Variants in USP9Y observed in about 807,000 individuals in gnomAD.
USP9Y encodes the protein ubiquitin carboxyl-terminal hydrolase 9Y.
A neutral mutation model predicts 53.1 loss-of-function variants in USP9Y; 41 were observed. The observed-to-expected ratio is 0.77, with a 90% CI of 0.60 to 1.00. The LOEUF is 1.00. Ranked by LOEUF, USP9Y falls within the 50% of genes least tolerant of loss-of-function variation. The probability of loss-of-function intolerance (pLI) is 0.00; values close to 1 mark genes in which losing one functional copy is unlikely to be tolerated. For missense variants in USP9Y, 567 were observed against 535.8 expected (o/e 1.06, Z -0.58); for synonymous variants, 220 against 173.7 (o/e 1.27, Z -2.09).
chrY:12,837,855 A>C, intron 34 of USP9Y, 56 bp from the exon 35 acceptor site: 4 of 264,628 alleles, frequency 1.5e-5, no homozygotes, highest in Non-Finnish European at 2.3e-5. Flanking sequence ...TAAAAAAAAA[A>C]AAACTAAACC....
intron 5 of USP9Y, among the ~76,000 whole-genome samples, chrY:12,723,111 T>C: frequency 3.2e-5 from 1 of 31,237 alleles, no homozygotes; most frequent in Admixed American, 3.0e-4. Context: ...CTGTCTAGCT[T>C]ACATATTTAG....
chrY:12,735,907 T>G, intron 8 of USP9Y, 91 bp from the exon 9 acceptor site: 2 of 340,855 alleles, frequency 5.9e-6, no homozygotes, highest in Non-Finnish European at 8.4e-6. Context: ...GACCTGTTTT[T>G]GTGTGGTCTT....
At position 12,833,867 on chromosome Y, in the gene USP9Y, T is replaced by C. The variant is rs2053552834; in HGVS notation, c.5195+6T>C. On this transcript the variant is annotated splice_donor_region_variant and intron_variant, in intron 34 of 45. Coordinates refer to ENST00000338981, the MANE Select transcript of USP9Y (RefSeq NM_004654.4). The stretch of plus-strand genomic sequence containing the variant: ...TGCCAAGGCTGCCCACATAGGTAAG[T>C]GCTAATTATGTTTTTAATGTATACT... The C allele has an allele frequency of 2.6e-6, 1 of 391,118 alleles. No individual in the cohort carries two copies. Among genetic ancestry groups the C allele is most frequent in the Admixed American group, 7.9e-5 (1 of 12,726 alleles).
intron 13 of USP9Y, 64 bp downstream of exon 13, chrY:12,757,462 A>G: frequency 3.5e-6 from 1 of 287,392 alleles, no homozygotes; most frequent in Non-Finnish European, 5.4e-6. Context: ...ACTTAGTTAC[A>G]AGATGATTCC....
At chrY:12,843,731 C>A (rs748047010) in intron 39 of USP9Y, among the ~76,000 whole-genome samples, 2,407 of 33,292 alleles carry the variant, frequency 0.072, no homozygotes, top group Non-Finnish European at 0.12. Context: ...TTCAGTATAT[C>A]TTTCTTAAGG....
intron 27 of USP9Y, among the ~76,000 whole-genome samples, chrY:12,794,490 TAA>T (rs2053511200): frequency 2.9e-5 from 1 of 34,204 alleles, no homozygotes; most frequent in South Asian, 6.4e-4. Context: ...TCATGAAGTT[TAA>T]TTTATGTCTT....
At position 12,720,594 on chromosome Y, in the gene USP9Y, A is replaced by T. The variant is rs1411350665; in HGVS notation, c.102A>T (p.Ser34=). 7.6e-6 allele frequency: 3 copies of T among 395,575 alleles called. No individual in the cohort carries two copies. Among genetic ancestry groups the T allele is most frequent in the Admixed American group, 1.5e-4 (2 of 13,375 alleles). Residue 34 remains serine, a synonymous_variant, in exon 4 of 46, where the codon TCA becomes TCT. Coordinates refer to ENST00000338981, the MANE Select transcript of USP9Y (RefSeq NM_004654.4). ...SQHLFQQNQT[S]SPDSSNENSV... ...ATATTTAATTTTTAATTAAGACTTC[A>T]TCACCTGATTCTTCCAATGAGAATT...
intron 7 of USP9Y, among the ~76,000 whole-genome samples, chrY:12,728,596 T>C (rs2053444680): frequency 3.0e-5 from 1 of 32,977 alleles, no homozygotes; most frequent in East Asian, 8.0e-4. Context: ...CTTGGGTAGA[T>C]TGTATATTTC....
intron 33 of USP9Y, among the ~76,000 whole-genome samples, 170 bp downstream of exon 33, chrY:12,818,780 T>C: frequency 2.9e-5 from 1 of 34,188 alleles, no homozygotes; most frequent in Middle Eastern, 0.014. Flanking sequence ...AATAGAATGT[T>C]TTATTATCCC....
chrY:12,719,745 T>G, intron 3 of USP9Y, among the ~76,000 whole-genome samples: 1 of 32,092 alleles, frequency 3.1e-5, no homozygotes, highest in Non-Finnish European at 7.6e-5. Context: ...CCTCTAATTT[T>G]TACTTAGTCA....
chrY:12,839,484 C>T (rs781695380), intron 35 of USP9Y, among the ~76,000 whole-genome samples: 95 of 32,733 alleles, frequency 2.9e-3, no homozygotes, highest in Non-Finnish European at 5.1e-3. Context: ...ATCTACATAG[C>T]ATACTTAATA....
chrY:12,766,491 A>G (rs2053479976), intron 15 of USP9Y, among the ~76,000 whole-genome samples: 1 of 33,636 alleles, frequency 3.0e-5, no homozygotes, highest in Non-Finnish European at 7.3e-5. Flanking sequence ...CAACCCAGAG[A>G]AAGGGTTCTT....
chrY:12,841,391 G>A, intron 37 of USP9Y, among the ~76,000 whole-genome samples: 1 of 32,804 alleles, frequency 3.0e-5, no homozygotes, highest in Non-Finnish European at 7.5e-5. Flanking sequence ...CTCACTTATA[G>A]TTAAAAAGGT....
chrY:12,857,117 T>G, intron 44 of USP9Y: 1 of 90,923 alleles, frequency 1.1e-5, no homozygotes, highest in Non-Finnish European at 2.2e-5. Context: ...TGCTTTTGCT[T>G]TTTCTTTTTT....
chrY:12,801,256 T>C (rs2053519090), intron 27 of USP9Y, among the ~76,000 whole-genome samples: 1 of 33,841 alleles, frequency 3.0e-5, no homozygotes, highest in African/African-American at 1.2e-4. Flanking sequence ...AACGATTCCA[T>C]GATTCATTAA....
chrY:12,855,679 C>G (rs2053575341), intron 42 of USP9Y, among the ~76,000 whole-genome samples: 3 of 33,276 alleles, frequency 9.0e-5, no homozygotes, highest in African/African-American at 3.5e-4. Flanking sequence ...TATGTGTTTT[C>G]ACAGTATCAG....
At chrY:12,722,795 G>A in intron 5 of USP9Y, among the ~76,000 whole-genome samples, 1 of 33,713 alleles carries the variant, frequency 3.0e-5, no homozygotes, top group African/African-American at 1.2e-4. Flanking sequence ...AGTCACATGT[G>A]ATTGAGAAAT....
chrY:12,763,664 T>G (rs2053477713), intron 15 of USP9Y, among the ~76,000 whole-genome samples: 2 of 13,952 alleles, frequency 1.4e-4, no homozygotes, highest in Non-Finnish European at 3.5e-4. Context: ...TTCTTTGTGT[T>G]TTTTTTTTTT....
chrY:12,725,723 CT>C (rs2053441707), intron 6 of USP9Y, among the ~76,000 whole-genome samples: 9 of 33,554 alleles, frequency 2.7e-4, no homozygotes, highest in Admixed American at 8.3e-4. Context: ...AGAAGACCCC[CT>C]GTCTTGGAAA....
Sources: allele counts gnomAD v4.1 joint callset (sites outside exome capture counted in the v4.1 genomes callset), GRCh38; gene constraint gnomAD v4.1.1; transcripts MANE v1.5; gene names NCBI Gene and HGNC (gene_info 2026-07-23, HGNC 2026-07-21).